STAU2: variants seen among roughly 807,000 people sequenced by gnomAD.
The protein encoded by STAU2 is staufen double-stranded RNA binding protein 2, also known as double-stranded RNA-binding protein Staufen homolog 2.
In STAU2, 20 loss-of-function variants were observed where a neutral mutation model predicts 65.9. That is an observed-to-expected ratio of 0.30 (90% CI 0.21 to 0.44). The LOEUF is 0.44. Among genes scored for constraint, STAU2 ranks in the 20% least tolerant of loss-of-function variants. The pLI is 1.00. For missense variants in STAU2, 558 were observed against 683.9 expected, an observed-to-expected ratio of 0.82 and a Z score of 2.05; for synonymous variants, 232 against 233.9, an observed-to-expected ratio of 0.99 and a Z score of 0.07.
intron 3 of STAU2, among the ~76,000 whole-genome samples, chr8:73,715,554 T>C (rs1308808142): frequency 6.6e-6 from 1 of 152,064 alleles, no homozygotes; most frequent in Admixed American, 6.6e-5. Flanking sequence ...ATCATTTAAG[T>C]ATTAACAAGT....
At chr8:73,729,877 T>C (rs1586367685) in intron 3 of STAU2, among the ~76,000 whole-genome samples, 1 of 152,228 alleles carries the variant, frequency 6.6e-6, no homozygotes, top group Non-Finnish European at 1.5e-5. Flanking sequence ...TCAGTAGTAA[T>C]GTCCCCACAC....
intron 4 of STAU2, among the ~76,000 whole-genome samples, chr8:73,695,323 G>A (rs1819627454): frequency 6.6e-6 from 1 of 152,154 alleles, no homozygotes; most frequent in Admixed American, 6.5e-5. Flanking sequence ...CCCATTCCAG[G>A]CCCTAGCTCC....
intron 13 of STAU2, among the ~76,000 whole-genome samples, chr8:73,544,940 G>A (rs916075484): frequency 6.6e-6 from 1 of 152,036 alleles, no homozygotes; most frequent in Non-Finnish European, 1.5e-5. Flanking sequence ...ATAACTCCCC[G>A]AGTCCAAAGT....
At chr8:73,657,737 G>T (rs1471099851) in intron 6 of STAU2, among the ~76,000 whole-genome samples, 2 of 152,098 alleles carry the variant, frequency 1.3e-5, no homozygotes, top group Non-Finnish European at 2.9e-5. Context: ...TCAGAGGCCG[G>T]GTACAGTGGT....
chr8:73,669,969 T>C (rs1338033857), intron 6 of STAU2, among the ~76,000 whole-genome samples: 2 of 152,146 alleles, frequency 1.3e-5, no homozygotes, highest in African/African-American at 4.8e-5. Context: ...TATAAAGATG[T>C]AATACTCTCA....
At chr8:73,745,513 G>T (rs981269955) in intron 1 of STAU2, among the ~76,000 whole-genome samples, 1 of 152,178 alleles carries the variant, frequency 6.6e-6, no homozygotes, top group Non-Finnish European at 1.5e-5. Context: ...CACGATGCTG[G>T]TCTGAAACAC....
chr8:73,736,799 G>A (rs1398147541), intron 3 of STAU2, among the ~76,000 whole-genome samples: 3 of 152,224 alleles, frequency 2.0e-5, no homozygotes, highest in Non-Finnish European at 4.4e-5. Flanking sequence ...GATGGCATGG[G>A]ATGCACAGGA....
At chr8:73,614,941 G>A (rs1296485197) in intron 8 of STAU2, among the ~76,000 whole-genome samples, 3 of 152,120 alleles carry the variant, frequency 2.0e-5, no homozygotes, top group Non-Finnish European at 2.9e-5. Flanking sequence ...GTGTCCAAGA[G>A]AAAGCAAACA....
Position 73,678,678 on chromosome 8 carries a change from T to C in STAU2, c.275-5436A>G, listed in dbSNP as rs1265173168. On this transcript the variant is annotated intron_variant, in intron 5 of 14. Coordinates refer to ENST00000524300, the MANE Select transcript of STAU2 (RefSeq NM_001164380.2). Reference sequence around the variant, plus strand: ...TAAAAAGCAAGTGTTAAATATATCATGGTGGTGGTATGCTACTAATGATCA... The same window carrying C: ...TAAAAAGCAAGTGTTAAATATATCACGGTGGTGGTATGCTACTAATGATCA... Among the ~76,000 whole-genome samples, 7 of 152,336 alleles carry C rather than the reference T, an allele frequency of 4.6e-5. No homozygotes were observed. The East Asian group carries it at 1.3e-3, about 29-fold the overall frequency.
chr8:73,546,886 C>T (rs1346242968), intron 13 of STAU2, among the ~76,000 whole-genome samples: 2 of 152,150 alleles, frequency 1.3e-5, no homozygotes, highest in South Asian at 2.1e-4. Context: ...CATTGTCAAT[C>T]GTTTCTAGCA....
chr8:73,599,088 G>T (rs1257469301), intron 10 of STAU2, among the ~76,000 whole-genome samples: 1 of 152,138 alleles, frequency 6.6e-6, no homozygotes, highest in East Asian at 1.9e-4. Flanking sequence ...TGAACTCAAT[G>T]AAAACTCAAT....
At chr8:73,483,727 G>GT (rs781223506) in intron 13 of STAU2, among the ~76,000 whole-genome samples, 1 of 152,178 alleles carries the variant, frequency 6.6e-6, no homozygotes, top group Non-Finnish European at 1.5e-5. Context: ...AACAGAGGAA[G>GT]TAAGCTATCA....
At chr8:73,551,579 A>G in intron 13 of STAU2, 1 of 988,428 alleles carries the variant, frequency 1.0e-6, no homozygotes. Context: ...CAAAATTCAA[A>G]ATTGCTATAA....
At chr8:73,730,698 G>C (rs1359220612) in intron 3 of STAU2, among the ~76,000 whole-genome samples, 3 of 149,038 alleles carry the variant, frequency 2.0e-5, no homozygotes, top group Non-Finnish European at 4.4e-5. Flanking sequence ...TTGCACTCTG[G>C]GCTGGGTAAC....
At chr8:73,532,237 TC>T (rs1375533024) in intron 13 of STAU2, among the ~76,000 whole-genome samples, 3 of 152,182 alleles carry the variant, frequency 2.0e-5, no homozygotes, top group Admixed American at 2.0e-4. Context: ...CAGATAGCAG[TC>T]CCTGAAGGAA....
intron 6 of STAU2, among the ~76,000 whole-genome samples, chr8:73,672,734 A>G (rs544062283): frequency 1.3e-5 from 2 of 152,222 alleles, no homozygotes; most frequent in African/African-American, 4.8e-5. Context: ...TAATGTATTT[A>G]GACAAATCAA....
chr8:73,600,480 G>GT (rs1416755500), intron 10 of STAU2, among the ~76,000 whole-genome samples: 4 of 152,282 alleles, frequency 2.6e-5, no homozygotes, highest in Non-Finnish European at 2.9e-5. Flanking sequence ...ACCACCTGCC[G>GT]TAACAGTGTC....
At chr8:73,524,529 T>C (rs891828323) in intron 13 of STAU2, among the ~76,000 whole-genome samples, 2 of 152,174 alleles carry the variant, frequency 1.3e-5, no homozygotes, top group Admixed American at 1.3e-4. Flanking sequence ...CCAGGTAATG[T>C]ATTCAATTTC....
chr8:73,440,558 G>A lies in STAU2; in HGVS notation c.1531-17856C>T, dbSNP rs891209249. ...GGTTCTTTTTTGAAATGTACTCGGA[G>A]GCTACTTCTCACCACATGCTCTGCT... On this transcript the variant is annotated intron_variant, in intron 13 of 14. Transcript: ENST00000524300. The A allele has an allele frequency of 2.6e-5, 4 of 152,052 alleles. No homozygotes were observed. The South Asian group carries it at 8.3e-4, about 32-fold the overall frequency. 9.4% of individuals were successfully genotyped at this position (152,052 alleles called of 1,614,324 possible).
Sources: allele counts gnomAD v4.1 joint callset (sites outside exome capture counted in the v4.1 genomes callset), GRCh38; gene constraint gnomAD v4.1.1; transcripts MANE v1.5; gene names NCBI Gene and HGNC (gene_info 2026-07-23, HGNC 2026-07-21).